Variants in LRP1B observed in about 807,000 individuals in gnomAD.
The protein encoded by LRP1B is low-density lipoprotein receptor-related protein 1B.
LRP1B carries 217 observed loss-of-function variants against 556.6 expected under a neutral mutation model. The ratio of observed to expected loss-of-function variants is 0.39; its 90% CI spans 0.35 to 0.44. LRP1B has a LOEUF of 0.44. Ranked by LOEUF, LRP1B falls within the 20% of genes least tolerant of loss-of-function variation. The pLI, the probability that LRP1B is intolerant of heterozygous loss-of-function variation, is 1.00. For synonymous variants in LRP1B, 2,047 were observed against 1,865.8 expected (o/e 1.10, Z -2.50); for missense variants, 5,053 against 5,620.8 (o/e 0.90, Z 3.23).
At chr2:141,111,851 C>T (rs1700760320) in intron 7 of LRP1B, among the ~76,000 whole-genome samples, 2 of 151,984 alleles carry the variant, frequency 1.3e-5, no homozygotes, top group Admixed American at 6.6e-5. Context: ...CGAGACCATC[C>T]TGGCTAACAT....
intron 1 of LRP1B, among the ~76,000 whole-genome samples, chr2:141,966,996 C>T (rs1420530105): frequency 1.3e-5 from 2 of 151,802 alleles, no homozygotes; most frequent in South Asian, 2.1e-4. Context: ...GACAATCATT[C>T]CCATTTTCTC....
In LRP1B at chr2:140,896,697, T is replaced by C. The variant is rs144070824; in HGVS notation, c.3766+6223A>G. On this transcript the variant is annotated intron_variant, in intron 23 of 90. Coordinates refer to ENST00000389484, the MANE Select transcript of LRP1B (RefSeq NM_018557.3). ...GGGTATCCTTATGTTGACCAGGCTG[T>C]CTTGAATGCCTGGGCTCAATAGATC... Among the ~76,000 whole-genome samples, 1,103 of 152,176 alleles carry C rather than the reference T, an allele frequency of 7.2e-3. 39 individuals are homozygous for C. Among genetic ancestry groups the C allele is most frequent in the Admixed American group, 0.066 (1,009 of 15,272 alleles).
chr2:141,776,361 C>T (rs977346100), intron 2 of LRP1B, among the ~76,000 whole-genome samples: 1 of 152,138 alleles, frequency 6.6e-6, no homozygotes, highest in African/African-American at 2.4e-5. Context: ...GGCATTTTGG[C>T]GAGAGCCACT....
intron 41 of LRP1B, among the ~76,000 whole-genome samples, chr2:140,699,624 G>GT (rs34387302): frequency 0.59 from 89,464 of 150,980 alleles, 27,989 homozygotes; most frequent in Middle Eastern, 0.74. Context: ...TAAGAAGATG[G>GT]TTTTTGTTAA....
intron 52 of LRP1B, among the ~76,000 whole-genome samples, chr2:140,508,879 T>C (rs6744482): frequency 6.6e-6 from 1 of 152,084 alleles, no homozygotes; most frequent in Admixed American, 6.5e-5. Flanking sequence ...GATCCCTGAA[T>C]TGATGCATAA....
chr2:141,675,991 T>C (rs1031133208), intron 2 of LRP1B, among the ~76,000 whole-genome samples: 7 of 152,030 alleles, frequency 4.6e-5, no homozygotes, highest in African/African-American at 1.7e-4. Context: ...TACACCCACA[T>C]CTCCCAAAAA....
At chr2:142,053,861 G>A (rs954940818) in intron 1 of LRP1B, among the ~76,000 whole-genome samples, 1 of 152,158 alleles carries the variant, frequency 6.6e-6, no homozygotes, top group Non-Finnish European at 1.5e-5. Flanking sequence ...GAATTTGTAA[G>A]TGCAATTACA....
At chr2:141,900,009 G>T (rs1337805382) in intron 1 of LRP1B, among the ~76,000 whole-genome samples, 1 of 152,038 alleles carries the variant, frequency 6.6e-6, no homozygotes, top group Non-Finnish European at 1.5e-5. Flanking sequence ...TTGAGCAGAT[G>T]AACACGCTCT....
intron 2 of LRP1B, among the ~76,000 whole-genome samples, chr2:141,776,691 T>TA (rs1695088745): frequency 6.6e-6 from 1 of 152,198 alleles, no homozygotes; most frequent in Admixed American, 6.5e-5. Flanking sequence ...ACTTACTAGC[T>TA]ATGTGATTTA....
intron 7 of LRP1B, among the ~76,000 whole-genome samples, chr2:141,142,461 C>T (rs1574118969): frequency 6.6e-6 from 1 of 152,172 alleles, no homozygotes; most frequent in African/African-American, 2.4e-5. Context: ...GATATTACCA[C>T]CTTTAACAAG....
At chr2:141,923,804 T>G (rs1700262944) in intron 1 of LRP1B, among the ~76,000 whole-genome samples, 1 of 151,982 alleles carries the variant, frequency 6.6e-6, no homozygotes, top group African/African-American at 2.4e-5. Context: ...AAACAGTCAT[T>G]TCTTTCCCTT....
chr2:141,153,375 AATAT>A (rs1157267720), intron 7 of LRP1B, among the ~76,000 whole-genome samples: 2 of 103,558 alleles, frequency 1.9e-5, no homozygotes, highest in East Asian at 2.2e-4. Flanking sequence ...TATATATAAT[AATAT>A]ATATAAGCTA....
rs776138027 is a variant in LRP1B at position 140,480,875 on chromosome 2, C to T, written c.9425+4468G>A. The stretch of plus-strand genomic sequence containing the variant: ...CTTTTATCATCTGTACTAATTTTAC[C>T]TTATTTTGAGAGAAAAAGTCTCACT... On this transcript the variant is annotated intron_variant, in intron 59 of 90. Coordinates refer to ENST00000389484, the MANE Select transcript of LRP1B (RefSeq NM_018557.3). 5.1e-4 allele frequency among the ~76,000 whole-genome samples: 77 copies of T among 152,004 alleles called. 2 individuals carry two copies. Among genetic ancestry groups the T allele is most frequent in the Admixed American group, 3.3e-4 (5 of 15,256 alleles).
At chr2:140,512,209 C>A (rs1178415821) in intron 51 of LRP1B, among the ~76,000 whole-genome samples, 1 of 152,234 alleles carries the variant, frequency 6.6e-6, no homozygotes, top group East Asian at 1.9e-4. Flanking sequence ...ATGGGTATGA[C>A]TAGATCATTA....
intron 25 of LRP1B, among the ~76,000 whole-genome samples, chr2:140,883,117 A>C (rs1693524805): frequency 6.6e-6 from 1 of 152,194 alleles, no homozygotes; most frequent in African/African-American, 2.4e-5. Context: ...GGAAAAAGAT[A>C]CACTTGATAC....
intron 66 of LRP1B, among the ~76,000 whole-genome samples, chr2:140,419,150 C>A (rs1685327517): frequency 1.3e-5 from 2 of 152,006 alleles, no homozygotes; most frequent in South Asian, 4.1e-4. Flanking sequence ...TCAAAAGAAA[C>A]CTGGAGAGGC....
intron 30 of LRP1B, 111 bp from the exon 31 acceptor site, chr2:140,840,196 T>C: frequency 1.6e-6 from 1 of 626,230 alleles, no homozygotes; most frequent in Admixed American, 3.8e-5. Context: ...TGACTCAGGA[T>C]TAATTCTTTT....
intron 7 of LRP1B, among the ~76,000 whole-genome samples, chr2:141,066,937 G>A (rs1699496433): frequency 6.6e-6 from 1 of 151,872 alleles, no homozygotes; most frequent in African/African-American, 2.4e-5. Flanking sequence ...TTTAGGGTCT[G>A]GCAAACCCTC....
At chr2:140,316,513 G>C (rs1049663337) in intron 82 of LRP1B, among the ~76,000 whole-genome samples, 1 of 151,990 alleles carries the variant, frequency 6.6e-6, no homozygotes, top group African/African-American at 2.4e-5. Flanking sequence ...ATTCAGATTG[G>C]CATTACTGAA....
Sources: allele counts gnomAD v4.1 joint callset (sites outside exome capture counted in the v4.1 genomes callset), GRCh38; gene constraint gnomAD v4.1.1; transcripts MANE v1.5; gene names NCBI Gene and HGNC (gene_info 2026-07-23, HGNC 2026-07-21).